The following C1orf185 variants were observed in gnomAD, a reference collection of about 807,000 sequenced individuals.
C1orf185 encodes chromosome 1 open reading frame 185.
C1orf185 carries 13 observed loss-of-function variants against 16.1 expected under a neutral mutation model. That is an observed-to-expected ratio of 0.81 (90% CI 0.53 to 1.28). The LOEUF (loss-of-function observed/expected upper bound fraction) is 1.28, where lower values mean the gene tolerates loss of function less well. Ranked by LOEUF, C1orf185 falls within the 50% of genes most tolerant of loss-of-function variation. The pLI, the probability that C1orf185 is intolerant of heterozygous loss-of-function variation, is 0.00. For synonymous variants in C1orf185, 80 were observed against 76.9 expected, an observed-to-expected ratio of 1.04 and a Z score of -0.21; for missense variants, 220 against 225.2, an observed-to-expected ratio of 0.98 and a Z score of 0.15.
At chr1:51,151,312 TG>T (rs1458257645), downstream of C1orf185, among the ~76,000 whole-genome samples, 1 of 152,216 alleles carries the variant, frequency 6.6e-6, no homozygotes, top group East Asian at 1.9e-4. Context: ...CTTTTCGGAT[TG>T]GGGTAAGAGA....
intron 3 of C1orf185, among the ~76,000 whole-genome samples, chr1:51,130,258 T>G (rs1246819542): frequency 5.9e-5 from 9 of 152,198 alleles, no homozygotes; most frequent in Admixed American, 5.9e-4. Context: ...AGAGTATATT[T>G]AACTTTTAAG....
At chr1:51,103,264 G>C (rs957669096) in intron 1 of C1orf185, among the ~76,000 whole-genome samples, 1 of 151,900 alleles carries the variant, frequency 6.6e-6, no homozygotes, top group African/African-American at 2.4e-5. Context: ...AAATTAGACA[G>C]GGATGGTGGC....
chr1:51,142,910 TG>T (rs1646374722), intron 3 of C1orf185, among the ~76,000 whole-genome samples: 1 of 152,060 alleles, frequency 6.6e-6, no homozygotes. Flanking sequence ...ATTACAGGCA[TG>T]CACCATCATG....
intron 3 of C1orf185, among the ~76,000 whole-genome samples, chr1:51,122,229 A>G (rs1223215693): frequency 6.6e-6 from 1 of 152,192 alleles, no homozygotes; most frequent in African/African-American, 2.4e-5. Flanking sequence ...TATACCTAAG[A>G]GTAGAATTGC....
At chr1:51,105,136 G>C (rs998960570) in intron 1 of C1orf185, among the ~76,000 whole-genome samples, 3 of 151,484 alleles carry the variant, frequency 2.0e-5, no homozygotes, top group Non-Finnish European at 4.4e-5. Flanking sequence ...TTTTTGTTTT[G>C]TTTTGTTTTT....
At chr1:51,103,952 GCT>G (rs1288172135) in intron 1 of C1orf185, among the ~76,000 whole-genome samples, 2 of 152,108 alleles carry the variant, frequency 1.3e-5, no homozygotes, top group Non-Finnish European at 2.9e-5. Flanking sequence ...ATAATAAGTA[GCT>G]TTTCAAAGTT....
chr1:51,142,858 C>G lies in C1orf185; in HGVS notation c.259-2866C>G, dbSNP rs928219447. ...TGCAATCTTGGCTCACTGCAACCTC[C>G]ACCTCCCAGATTCTCATGCCTCAGC... On this transcript the variant is annotated intron_variant, in intron 3 of 4. Coordinates refer to ENST00000371759, the MANE Select transcript of C1orf185 (RefSeq NM_001136508.2). Among the ~76,000 whole-genome samples the G allele has an allele frequency of 2.6e-5, 4 of 152,162 alleles. No individual in the cohort carries two copies. In the South Asian group the frequency reaches 6.2e-4, roughly 24 times the overall value.
rs1161973849 is a variant in C1orf185 at position 51,118,676 on chromosome 1, C to T, written c.133C>T (p.Gln45Ter). 1 of 1,400,348 alleles carries T rather than the reference C, an allele frequency of 7.1e-7. No individual in the cohort carries two copies. Among genetic ancestry groups the T allele is most frequent in the Non-Finnish European group, 9.4e-7 (1 of 1,058,790 alleles). 86.7% of individuals were successfully genotyped at this position (1,400,348 alleles called of 1,614,324 possible). The change falls in exon 3 of 5, where the codon CAA (glutamine) becomes TAA (stop). Residue 45 changes from glutamine to a stop codon, truncating the protein, a stop_gained. Coordinates refer to ENST00000371759, the MANE Select transcript of C1orf185 (RefSeq NM_001136508.2). LOFTEE classifies it high-confidence loss of function. ...TAAAATATTTTTCAGAGAAATATTT[C>T]AAAATTCCAAATTTAAAGCAATTGA... ...FLICKRREIF[Q>*]NSKFKAIDER... is the part of the protein sequence containing the mutation.
chr1:51,112,394 T>G (rs759775752), intron 1 of C1orf185, 70 bp from the exon 2 acceptor site: 40 of 1,260,118 alleles, frequency 3.2e-5, no homozygotes, highest in Non-Finnish European at 4.2e-5. Context: ...CATTTGAAGT[T>G]TATCATTCAG....
chr1:51,114,166 A>G (rs1646141937), intron 2 of C1orf185, among the ~76,000 whole-genome samples: 1 of 152,246 alleles, frequency 6.6e-6, no homozygotes, highest in African/African-American at 2.4e-5. Context: ...AAGAAGGCCA[A>G]TGTGAATAAT....
rs1267661192 is a variant in C1orf185 at position 51,112,582 on chromosome 1, C to T, written c.122+13C>T. On this transcript the variant is annotated intron_variant, in intron 2 of 4. Coordinates refer to ENST00000371759, the MANE Select transcript of C1orf185 (RefSeq NM_001136508.2). ...TTTGCAAACGAAGGTAAGGATTATT[C>T]GAATATTTCTTTAACCTTTTTTTCT... 1.6e-5 allele frequency: 24 copies of T among 1,509,700 alleles called. No homozygotes were observed. The highest frequency in any genetic ancestry group is 2.5e-5 in the East Asian group (1 of 40,460). 93.5% of individuals were successfully genotyped at this position (1,509,700 alleles called of 1,614,324 possible).
intron 3 of C1orf185, among the ~76,000 whole-genome samples, chr1:51,137,106 C>A (rs1168297772): frequency 6.6e-6 from 1 of 151,990 alleles, no homozygotes; most frequent in African/African-American, 2.4e-5. Flanking sequence ...AGGACATGAA[C>A]AGACACTTTT....
intron 2 of C1orf185, among the ~76,000 whole-genome samples, chr1:51,113,305 G>A (rs1219692780): frequency 6.6e-6 from 1 of 151,884 alleles, no homozygotes; most frequent in African/African-American, 2.4e-5. Flanking sequence ...GCCAGAAACA[G>A]AAAAAGATCA....
rs1341425160 is a variant in C1orf185 at position 51,131,104 on chromosome 1, T to C, written c.258+12303T>C. Among the ~76,000 whole-genome samples the C allele has an allele frequency of 4.6e-5, 7 of 152,146 alleles. No individual in the cohort carries two copies. The South Asian group carries it at 1.0e-3, about 23-fold the overall frequency. ...TTTAGTAGAGATGGAGGTTTCTCCA[T>C]GTTGGTCAGGCTGGTCTCAAACTCC... On this transcript the variant is annotated intron_variant, in intron 3 of 4. Transcript: ENST00000371759.
chr1:51,142,326 A>G (rs974862713), intron 3 of C1orf185, among the ~76,000 whole-genome samples: 6 of 152,172 alleles, frequency 3.9e-5, no homozygotes, highest in African/African-American at 1.2e-4. Flanking sequence ...TGACATTGGC[A>G]TTTTTGAAAG....
At chr1:51,115,965 TTACTC>T (rs1213924895) in intron 2 of C1orf185, among the ~76,000 whole-genome samples, 1 of 152,124 alleles carries the variant, frequency 6.6e-6, no homozygotes, top group African/African-American at 2.4e-5. Flanking sequence ...AGTTTATACT[TTACTC>T]AGCTCAGTTA....
At position 51,142,879 on chromosome 1, in the gene C1orf185, T is replaced by C. The variant is rs1646374401; in HGVS notation, c.259-2845T>C. Among the ~76,000 whole-genome samples the C allele has an allele frequency of 2.0e-5, 3 of 152,150 alleles. No homozygotes were observed. In the South Asian group the frequency reaches 6.2e-4, roughly 32 times the overall value. On this transcript the variant is annotated intron_variant, in intron 3 of 4. Transcript: ENST00000371759. ...CCTCCACCTCCCAGATTCTCATGCC[T>C]CAGCCTCCCAAGTAGCTGGGATTAC...
chr1:51,144,300 A>G (rs1336729240), intron 3 of C1orf185, among the ~76,000 whole-genome samples: 1 of 152,224 alleles, frequency 6.6e-6, no homozygotes, highest in African/African-American at 2.4e-5. Context: ...CTGAGAAGCA[A>G]TATTCTAAAG....
intron 3 of C1orf185, among the ~76,000 whole-genome samples, chr1:51,126,044 G>T (rs1188805290): frequency 6.6e-6 from 1 of 152,024 alleles, no homozygotes; most frequent in Non-Finnish European, 1.5e-5. Flanking sequence ...TTGGGTCCCT[G>T]TTCCTCAACT....
Sources: allele counts gnomAD v4.1 joint callset (sites outside exome capture counted in the v4.1 genomes callset), GRCh38; gene constraint gnomAD v4.1.1; transcripts MANE v1.5; gene names NCBI Gene and HGNC (gene_info 2026-07-23, HGNC 2026-07-21).